ADGRL3: variants seen among roughly 807,000 people sequenced by gnomAD.
ADGRL3 encodes adhesion G protein-coupled receptor L3.
ADGRL3 carries 62 observed loss-of-function variants against 153.5 expected under a neutral mutation model. That is an observed-to-expected ratio of 0.40 (90% CI 0.33 to 0.50). The LOEUF is 0.50. Among genes scored for constraint, ADGRL3 ranks in the 20% least tolerant of loss-of-function variants. The pLI, the probability that ADGRL3 is intolerant of heterozygous loss-of-function variation, is 0.47. For synonymous variants in ADGRL3, 710 were observed against 672.5 expected (o/e 1.06, Z -0.86); for missense variants, 1,641 against 1,859.4 (o/e 0.88, Z 2.16).
chr4:61,627,523 A>T (rs1329619598), intron 5 of ADGRL3, among the ~76,000 whole-genome samples: 1 of 152,140 alleles, frequency 6.6e-6, no homozygotes, highest in African/African-American at 2.4e-5. Flanking sequence ...CGGGAGGCTG[A>T]GGCAGGAGAA....
At chr4:61,525,293 G>A (rs182315709) in intron 4 of ADGRL3, among the ~76,000 whole-genome samples, 1 of 152,208 alleles carries the variant, frequency 6.6e-6, no homozygotes, top group East Asian at 1.9e-4. Flanking sequence ...AGGTAGTAGA[G>A]GAGGGTGTTC....
intron 9 of ADGRL3, among the ~76,000 whole-genome samples, chr4:61,861,246 A>G (rs1410103072): frequency 6.6e-6 from 1 of 152,206 alleles, no homozygotes; most frequent in African/African-American, 2.4e-5. Context: ...AGTGCTTATA[A>G]GATGTGAATT....
chr4:61,411,714 C>T (rs2097090198), intron 2 of ADGRL3, among the ~76,000 whole-genome samples: 1 of 152,056 alleles, frequency 6.6e-6, no homozygotes, highest in Non-Finnish European at 1.5e-5. Flanking sequence ...TCTCCACATT[C>T]AAGATCTGTC....
At chr4:61,381,293 T>TGTGTGTGTG (rs2096664601) in intron 1 of ADGRL3, among the ~76,000 whole-genome samples, 1 of 141,374 alleles carries the variant, frequency 7.1e-6, no homozygotes, top group Non-Finnish European at 1.5e-5. Context: ...ATAAACAAGT[T>TGTGTGTGTG]TGTGTGTGTG....
intron 2 of ADGRL3, among the ~76,000 whole-genome samples, chr4:61,417,967 A>G (rs2097162430): frequency 6.6e-6 from 1 of 152,128 alleles, no homozygotes; most frequent in Admixed American, 6.6e-5. Context: ...GGGGATTGAG[A>G]TTGGTCTAAA....
intron 1 of ADGRL3, among the ~76,000 whole-genome samples, chr4:61,237,223 A>G (rs1330205235): frequency 6.6e-6 from 1 of 152,200 alleles, no homozygotes; most frequent in Non-Finnish European, 1.5e-5. Context: ...GGCTGCAGGA[A>G]ACTCTATGTA....
intron 1 of ADGRL3, among the ~76,000 whole-genome samples, chr4:61,320,431 A>G (rs1339681742): frequency 6.6e-6 from 1 of 152,208 alleles, no homozygotes; most frequent in East Asian, 1.9e-4. Context: ...ACTGGCTCAC[A>G]TAATTGTGGA....
chr4:61,829,404 T>G (rs982553312), intron 9 of ADGRL3, among the ~76,000 whole-genome samples: 1 of 152,172 alleles, frequency 6.6e-6, no homozygotes, highest in African/African-American at 2.4e-5. Flanking sequence ...ACATAAGATG[T>G]TTTGTTTTAT....
At position 61,378,667 on chromosome 4, in the gene ADGRL3, CA is replaced by C. The variant is rs2096632808; in HGVS notation, c.-239-4452del. 2.0e-5 allele frequency among the ~76,000 whole-genome samples: 3 copies of C among 152,004 alleles called. No homozygotes were observed. In the South Asian group the frequency reaches 6.2e-4, roughly 31 times the overall value. On this transcript the variant is annotated intron_variant, in intron 1 of 26. Transcript: ENST00000683033. ...AATTCTATTTGGAGTAGGGTGGTGT[CA>C]AAAAGTGGTGTTTGTAATACAAAAA...
chr4:61,998,331 A>G (rs1389770725), intron 21 of ADGRL3, 66 bp downstream of exon 21: 1 of 757,654 alleles, frequency 1.3e-6, no homozygotes, highest in Admixed American at 3.1e-5. Context: ...TATCCTTTCT[A>G]TTATATCAAA....
At chr4:61,355,745 C>A (rs2096152603) in intron 1 of ADGRL3, among the ~76,000 whole-genome samples, 1 of 152,010 alleles carries the variant, frequency 6.6e-6, no homozygotes, top group Admixed American at 6.6e-5. Flanking sequence ...TACAGCTATG[C>A]TAATCTTCCT....
At chr4:61,590,722 T>C (rs947499601) in intron 5 of ADGRL3, among the ~76,000 whole-genome samples, 2 of 152,132 alleles carry the variant, frequency 1.3e-5, no homozygotes, top group Non-Finnish European at 2.9e-5. Context: ...GGAAGAAGGC[T>C]CTTTCAGCTG....
chr4:61,638,111 G>A (rs899848930), intron 5 of ADGRL3, among the ~76,000 whole-genome samples: 2 of 152,108 alleles, frequency 1.3e-5, no homozygotes, highest in East Asian at 3.9e-4. Flanking sequence ...TAGCTTTGTT[G>A]ATAATAGTCA....
At chr4:61,366,083 C>T (rs1178099323) in intron 1 of ADGRL3, among the ~76,000 whole-genome samples, 1 of 151,988 alleles carries the variant, frequency 6.6e-6, no homozygotes, top group Non-Finnish European at 1.5e-5. Flanking sequence ...TAGATCCTTT[C>T]CTTGAAAATA....
chr4:61,371,031 T>C (rs2151714206), intron 1 of ADGRL3, among the ~76,000 whole-genome samples: 1 of 151,618 alleles, frequency 6.6e-6, no homozygotes, highest in Non-Finnish European at 1.5e-5. Context: ...AAATCTGTTT[T>C]ATCAGAGACT....
At chr4:61,747,084 A>G (rs1268158639) in intron 8 of ADGRL3, among the ~76,000 whole-genome samples, 1 of 152,240 alleles carries the variant, frequency 6.6e-6, no homozygotes, top group Non-Finnish European at 1.5e-5. Context: ...AAACACCTCT[A>G]TGCAAATAAA....
At chr4:61,761,056 C>T (rs2152191542) in intron 8 of ADGRL3, among the ~76,000 whole-genome samples, 1 of 152,202 alleles carries the variant, frequency 6.6e-6, no homozygotes, top group Non-Finnish European at 1.5e-5. Flanking sequence ...GGGTGGGGAC[C>T]ACAAGATCAA....
At chr4:61,499,236 G>A (rs1014009142) in intron 3 of ADGRL3, among the ~76,000 whole-genome samples, 2 of 152,128 alleles carry the variant, frequency 1.3e-5, no homozygotes, top group East Asian at 1.9e-4. Flanking sequence ...AACATATTTA[G>A]TTCTAACAAT....
At chr4:61,293,419 C>T (rs2094297160) in intron 1 of ADGRL3, among the ~76,000 whole-genome samples, 1 of 152,130 alleles carries the variant, frequency 6.6e-6, no homozygotes, top group Admixed American at 6.6e-5. Context: ...CAGTTGCTCA[C>T]AATTCTAAAA....
Sources: gnomAD v4.1 joint callset for allele counts (sites outside exome capture counted in the v4.1 genomes callset) on GRCh38, gnomAD v4.1.1 for gene constraint, MANE v1.5 for transcripts, NCBI Gene and HGNC (gene_info 2026-07-23, HGNC 2026-07-21) for gene names.